The following NDUFA5 variants were observed in gnomAD, a reference collection of about 807,000 sequenced individuals.
NDUFA5 encodes the protein NADH:ubiquinone oxidoreductase subunit A5, also known as NADH dehydrogenase [ubiquinone] 1 alpha subcomplex subunit 5.
NDUFA5 carries 11 observed loss-of-function variants against 19.8 expected under a neutral mutation model. That is an observed-to-expected ratio of 0.56 (90% CI 0.35 to 0.92). The LOEUF (loss-of-function observed/expected upper bound fraction) is 0.92, where lower values mean the gene tolerates loss of function less well. Ranked by LOEUF, NDUFA5 falls within the 40% of genes least tolerant of loss-of-function variation. The probability of loss-of-function intolerance (pLI) is 0.01; values close to 1 mark genes in which losing one functional copy is unlikely to be tolerated. For missense variants in NDUFA5, 109 were observed against 134.2 expected (o/e 0.81, Z 0.93); for synonymous variants, 47 against 46.8 (o/e 1.00, Z -0.01).
At chr7:123,590,843 G>T in the NDUFA5 span, among the ~76,000 whole-genome samples, 2 of 152,176 alleles carry the variant, frequency 1.3e-5, no homozygotes, top group East Asian at 1.9e-4. Context: ...AACAAAGGCA[G>T]TGGTAGCTTG....
Position 123,540,890 on chromosome 7 carries a change from G to GCGCGCGCACGCA in NDUFA5, c.*1228_*1229insTGCGTGCGCGCG, listed in dbSNP as rs766305834. 1 of 133,830 alleles carries GCGCGCGCACGCA rather than the reference G, an allele frequency of 7.5e-6. No homozygotes were observed. Among genetic ancestry groups the GCGCGCGCACGCA allele is most frequent in the Non-Finnish European group, 1.6e-5 (1 of 63,218 alleles). 8.3% of individuals were successfully genotyped at this position (133,830 alleles called of 1,614,324 possible). A position where few individuals can be genotyped will look rare whatever the true frequency, so the allele number is the denominator to read the frequency against. ...TCTGAGCAAATGTGCGCATGCGCGT[G>GCGCGCGCACGCA]CACACACACACACACACACACACAC... On this transcript the variant is annotated 3_prime_UTR_variant, in exon 5 of 5. Transcript: ENST00000355749.
At chr7:123,549,252 G>C (rs1798244773) in intron 3 of NDUFA5, among the ~76,000 whole-genome samples, 1 of 137,012 alleles carries the variant, frequency 7.3e-6, no homozygotes, top group Admixed American at 7.2e-5. Context: ...GAAGTATAAT[G>C]GAAGTACAAA....
At chr7:123,590,535 A>G in the NDUFA5 span, among the ~76,000 whole-genome samples, 3 of 152,264 alleles carry the variant, frequency 2.0e-5, no homozygotes, top group Admixed American at 6.5e-5. Flanking sequence ...AGCTTTCTAC[A>G]TATGGCTAGC....
At chr7:123,588,246 G>A in the NDUFA5 span, among the ~76,000 whole-genome samples, 1 of 151,712 alleles carries the variant, frequency 6.6e-6, no homozygotes, top group African/African-American at 2.4e-5. Context: ...TTTCTTCATA[G>A]TTCAGTCTTG....
At chr7:123,549,379 A>C in intron 3 of NDUFA5, among the ~76,000 whole-genome samples, 1 of 152,378 alleles carries the variant, frequency 6.6e-6, no homozygotes, top group Middle Eastern at 3.4e-3. Context: ...GGAGAAAACA[A>C]AAATAGGACA....
At chr7:123,545,229 T>G (rs915415499) in intron 4 of NDUFA5, among the ~76,000 whole-genome samples, 8 of 152,132 alleles carry the variant, frequency 5.3e-5, no homozygotes, top group African/African-American at 1.7e-4. Context: ...TAAAAGTACA[T>G]TTTAATTTTA....
upstream of NDUFA5, among the ~76,000 whole-genome samples, chr7:123,560,672 T>G (rs184732318): frequency 6.6e-6 from 1 of 152,360 alleles, no homozygotes; most frequent in Non-Finnish European, 1.5e-5. Context: ...TCTCATGGTA[T>G]GCTCATATTT....
intron 4 of NDUFA5, among the ~76,000 whole-genome samples, chr7:123,544,362 G>A (rs1216067054): frequency 6.6e-6 from 1 of 152,052 alleles, no homozygotes; most frequent in East Asian, 1.9e-4. Context: ...GCTGGATGTG[G>A]TGGCACATGC....
At chr7:123,554,516 G>T (rs746195424) in intron 2 of NDUFA5, among the ~76,000 whole-genome samples, 3 of 151,324 alleles carry the variant, frequency 2.0e-5, no homozygotes, top group South Asian at 2.1e-4. Flanking sequence ...ACTATGTGCC[G>T]TTCAAAGTAG....
At chr7:123,557,843 C>T, upstream of NDUFA5, 2 of 1,610,810 alleles carry the variant, frequency 1.2e-6, no homozygotes, top group Non-Finnish European at 1.7e-6. Flanking sequence ...GAACAATTCT[C>T]AGACCTGCTC....
the NDUFA5 span, among the ~76,000 whole-genome samples, chr7:123,571,078 G>A: frequency 2.6e-5 from 4 of 152,110 alleles, no homozygotes; most frequent in African/African-American, 9.7e-5. Context: ...GTCAATAAAA[G>A]TTGTAATATT....
chr7:123,581,801 C>T, the NDUFA5 span, among the ~76,000 whole-genome samples: 1 of 151,832 alleles, frequency 6.6e-6, no homozygotes, highest in East Asian at 1.9e-4. Flanking sequence ...TGTATATTTT[C>T]TCCCTTTTTG....
intron 2 of NDUFA5, among the ~76,000 whole-genome samples, chr7:123,554,077 T>C (rs1311150965): frequency 6.6e-6 from 1 of 152,314 alleles, no homozygotes; most frequent in South Asian, 2.1e-4. Flanking sequence ...TCTAAAACAG[T>C]AGATGCTAGC....
At chr7:123,542,676 T>C (rs528206245) in intron 4 of NDUFA5, among the ~76,000 whole-genome samples, 54 of 152,308 alleles carry the variant, frequency 3.5e-4, no homozygotes, top group African/African-American at 1.1e-3. Context: ...CTTTTTTCTA[T>C]TGTGTTTTTT....
At chr7:123,577,820 C>A in the NDUFA5 span, among the ~76,000 whole-genome samples, 1 of 152,066 alleles carries the variant, frequency 6.6e-6, no homozygotes, top group African/African-American at 2.4e-5. Context: ...CAAAGACATT[C>A]TAGACATCAT....
chr7:123,582,577 A>T, the NDUFA5 span, among the ~76,000 whole-genome samples: 9 of 151,926 alleles, frequency 5.9e-5, no homozygotes, highest in Non-Finnish European at 1.0e-4. Context: ...AATGATCAGC[A>T]TTCCCCCCAG....
At chr7:123,584,412 T>G in the NDUFA5 span, among the ~76,000 whole-genome samples, 9 of 151,916 alleles carry the variant, frequency 5.9e-5, no homozygotes, top group Admixed American at 3.3e-4. Flanking sequence ...ATCAGTGTTT[T>G]CTAAAGCTCC....
the NDUFA5 span, among the ~76,000 whole-genome samples, chr7:123,577,550 T>C: frequency 6.6e-6 from 1 of 152,164 alleles, no homozygotes; most frequent in Non-Finnish European, 1.5e-5. Context: ...TTTAACATTG[T>C]AAGTCAAATT....
chr7:123,568,407 C>T, the NDUFA5 span, among the ~76,000 whole-genome samples: 1 of 151,686 alleles, frequency 6.6e-6, no homozygotes, highest in African/African-American at 2.4e-5. Flanking sequence ...GTAATCCCAC[C>T]TACTTGGGAG....
Sources: gnomAD v4.1 joint callset for allele counts (sites outside exome capture counted in the v4.1 genomes callset) on GRCh38, gnomAD v4.1.1 for gene constraint, MANE v1.5 for transcripts, NCBI Gene and HGNC (gene_info 2026-07-23, HGNC 2026-07-21) for gene names.